The following PAX5 variants were observed in gnomAD, a reference collection of about 807,000 sequenced individuals.
PAX5 encodes the protein paired box protein Pax-5.
In PAX5, 9 loss-of-function variants were observed where a neutral mutation model predicts 43.7. That is an observed-to-expected ratio of 0.21 (90% CI 0.12 to 0.36). The LOEUF is 0.36. PAX5 is among the 10% of genes least tolerant of loss of function. PAX5 has a pLI of 1.00. For synonymous variants in PAX5, 228 were observed against 214.3 expected (o/e 1.06, Z -0.56); for missense variants, 383 against 532.7 (o/e 0.72, Z 2.77).
chr9:36,887,092 G>A (rs542226734), intron 7 of PAX5, among the ~76,000 whole-genome samples: 3 of 152,142 alleles, frequency 2.0e-5, no homozygotes, highest in Non-Finnish European at 4.4e-5. Context: ...CAGAGTAAGC[G>A]GTAGAACAGG....
rs561918051 is a variant in PAX5 at position 36,932,601 on chromosome 9, G to A, written c.781-9117C>T. Among the ~76,000 whole-genome samples, 12 of 152,260 alleles carry A rather than the reference G, an allele frequency of 7.9e-5. No individual in the cohort carries two copies. The East Asian group carries it at 2.3e-3, about 29-fold the overall frequency. On this transcript the variant is annotated intron_variant, in intron 6 of 9. Transcript: ENST00000358127. Reference sequence around the variant, plus strand: ...GAGATTAACTATAAACCAGCATGAGGGATCTTTCTGGAGTGATGAAACGAG... The same window carrying A: ...GAGATTAACTATAAACCAGCATGAGAGATCTTTCTGGAGTGATGAAACGAG...
rs531352777 is a variant in PAX5, at chr9:36,981,307, G to A, written c.605-14583C>T. On this transcript the variant is annotated intron_variant, in intron 5 of 9. Transcript: ENST00000358127. ...AGTTATTGTCTTTCTTCCTTAGAACGTCACTCATGTGGGCAAACATTTTTG... is the reference window on the plus strand; with the variant it reads ...AGTTATTGTCTTTCTTCCTTAGAACATCACTCATGTGGGCAAACATTTTTG... Among the ~76,000 whole-genome samples the A allele has an allele frequency of 8.8e-4, 134 of 151,688 alleles. 2 individuals are homozygous for A. The highest frequency in any genetic ancestry group is 5.0e-3 in the South Asian group (24 of 4,790).
chr9:36,897,162 T>C (rs1250699157), intron 7 of PAX5, among the ~76,000 whole-genome samples: 2 of 152,190 alleles, frequency 1.3e-5, no homozygotes, highest in African/African-American at 4.8e-5. Context: ...GGACTCAGTC[T>C]GAGCTTCCTC....
rs1004907899 is a variant in PAX5 at position 36,990,438 on chromosome 9, T to C, written c.604+12210A>G. On this transcript the variant is annotated intron_variant, in intron 5 of 9. Coordinates refer to ENST00000358127, the MANE Select transcript of PAX5 (RefSeq NM_016734.3). ...GAGAGTGGAGAGGGCCTGGCAGCCT[T>C]GTTAAGAAGTTTGCATAGCTTCTGA... Among the ~76,000 whole-genome samples the C allele has an allele frequency of 8.5e-5, 13 of 152,296 alleles. No individual in the cohort carries two copies. In the East Asian group the frequency reaches 2.5e-3, roughly 29 times the overall value.
At chr9:36,861,364 T>C (rs138496182) in intron 8 of PAX5, 8 of 150,810 alleles carry the variant, frequency 5.3e-5, no homozygotes, top group African/African-American at 1.5e-4. Flanking sequence ...ACAAAGCAGA[T>C]AACAGTCCCT....
chr9:36,891,000 A>ACCAC (rs1354201683), intron 7 of PAX5, among the ~76,000 whole-genome samples: 3 of 152,142 alleles, frequency 2.0e-5, no homozygotes, highest in African/African-American at 7.2e-5. Context: ...TTAGCTGGGC[A>ACCAC]TGGTGGTGCA....
intron 2 of PAX5, among the ~76,000 whole-genome samples, chr9:37,016,557 C>CA (rs898800591): frequency 3.9e-5 from 6 of 152,122 alleles, no homozygotes; most frequent in Admixed American, 3.9e-4. Flanking sequence ...AACATCATTT[C>CA]AGGGGGGGAT....
At chr9:36,862,619 AG>A in intron 8 of PAX5, among the ~76,000 whole-genome samples, 1 of 152,222 alleles carries the variant, frequency 6.6e-6, no homozygotes, top group Non-Finnish European at 1.5e-5. Context: ...CATAGGAAAG[AG>A]AAGCCACCCC....
At chr9:36,845,916 C>T (rs1044557833) in intron 9 of PAX5, among the ~76,000 whole-genome samples, 4 of 152,148 alleles carry the variant, frequency 2.6e-5, no homozygotes, top group African/African-American at 9.7e-5. Context: ...GGCAGATAAA[C>T]CTGGGTGGTC....
chr9:36,890,785 G>T (rs1827314739), intron 7 of PAX5, among the ~76,000 whole-genome samples: 1 of 152,184 alleles, frequency 6.6e-6, no homozygotes, highest in African/African-American at 2.4e-5. Flanking sequence ...AGTGAAAGGA[G>T]GATAAGCATA....
In PAX5 at chr9:36,835,127, G is replaced by A. The variant is rs1462558978; in HGVS notation, c.*5433C>T. On this transcript the variant is annotated 3_prime_UTR_variant, in exon 10 of 10. Transcript: ENST00000358127. ...AGGTAAGCAGCTGCATTTTCTCCTTGTGTTGCTCAGGGGTCTAAGATGTGG... is the reference window on the plus strand; with the variant it reads ...AGGTAAGCAGCTGCATTTTCTCCTTATGTTGCTCAGGGGTCTAAGATGTGG... The A allele has an allele frequency of 2.1e-5, 5 of 233,196 alleles. No individual in the cohort carries two copies. The highest frequency in any genetic ancestry group is 1.1e-4 in the Admixed American group (2 of 17,776). 14.4% of individuals were successfully genotyped at this position (233,196 alleles called of 1,614,324 possible). A position where few individuals can be genotyped will look rare whatever the true frequency, so the allele number is the denominator to read the frequency against.
intron 7 of PAX5, among the ~76,000 whole-genome samples, chr9:36,886,389 G>T (rs10814466): frequency 1.3e-5 from 2 of 152,080 alleles, no homozygotes; most frequent in South Asian, 2.1e-4. Context: ...GGGGAACCCA[G>T]TCTTATGAAT....
intron 8 of PAX5, among the ~76,000 whole-genome samples, chr9:36,876,933 A>C (rs1240900182): frequency 6.6e-6 from 1 of 152,234 alleles, no homozygotes; most frequent in Non-Finnish European, 1.5e-5. Context: ...GAAAAACATG[A>C]CATCCACTTT....
chr9:37,024,429 G>A (rs771324402), intron 1 of PAX5, among the ~76,000 whole-genome samples: 11 of 152,184 alleles, frequency 7.2e-5, no homozygotes, highest in Non-Finnish European at 1.5e-4. Context: ...TGGGCCAGGA[G>A]GAAGGTGACG....
intron 7 of PAX5, among the ~76,000 whole-genome samples, chr9:36,895,346 C>T (rs1387957035): frequency 6.6e-6 from 1 of 152,198 alleles, no homozygotes; most frequent in African/African-American, 2.4e-5. Flanking sequence ...AAATGCCTTA[C>T]TTGCGTCACC....
chr9:36,879,734 C>T (rs552428077), intron 8 of PAX5, among the ~76,000 whole-genome samples: 1 of 152,366 alleles, frequency 6.6e-6, no homozygotes, highest in East Asian at 1.9e-4. Context: ...CGTCATAGCA[C>T]TCAGGGGAAG....
intron 6 of PAX5, among the ~76,000 whole-genome samples, chr9:36,944,027 A>C (rs142670777): frequency 6.6e-6 from 1 of 152,060 alleles, no homozygotes; most frequent in African/African-American, 2.4e-5. Context: ...CCCTACAAAA[A>C]TAAAAAATCA....
At chr9:36,957,872 G>A (rs1004790357) in intron 6 of PAX5, among the ~76,000 whole-genome samples, 1 of 152,096 alleles carries the variant, frequency 6.6e-6, no homozygotes. Context: ...TTCTCATCAA[G>A]AGTTGAGCTG....
chr9:36,934,382 A>G (rs1399365550), intron 6 of PAX5, among the ~76,000 whole-genome samples: 2 of 152,238 alleles, frequency 1.3e-5, no homozygotes, highest in Non-Finnish European at 2.9e-5. Context: ...AAACAGCAGG[A>G]GGAATCCTTG....
Sources: gnomAD v4.1 joint callset for allele counts (sites outside exome capture counted in the v4.1 genomes callset) on GRCh38, gnomAD v4.1.1 for gene constraint, MANE v1.5 for transcripts, NCBI Gene and HGNC (gene_info 2026-07-23, HGNC 2026-07-21) for gene names.